The following MAPK8IP3 variants were observed in gnomAD, a reference collection of about 807,000 sequenced individuals.
MAPK8IP3 encodes the protein mitogen-activated protein kinase 8 interacting protein 3.
Under a neutral mutation model 157.8 loss-of-function variants are expected in MAPK8IP3, and 49 were observed. The observed-to-expected ratio is 0.31, with a 90% CI of 0.25 to 0.39. The LOEUF (loss-of-function observed/expected upper bound fraction) is 0.39, where lower values mean the gene tolerates loss of function less well. Among genes scored for constraint, MAPK8IP3 ranks in the 10% least tolerant of loss-of-function variants. The pLI is 1.00. For missense variants in MAPK8IP3, 1,478 were observed against 1,889.4 expected, an observed-to-expected ratio of 0.78 and a Z score of 4.04; for synonymous variants, 897 against 777.7, an observed-to-expected ratio of 1.15 and a Z score of -2.55.
At chr16:1,736,400 G>A (rs541782507) in intron 4 of MAPK8IP3, among the ~76,000 whole-genome samples, 1 of 74,826 alleles carries the variant, frequency 1.3e-5, no homozygotes, top group Admixed American at 2.1e-4. Flanking sequence ...GTGACCGTCC[G>A]TGTGTGACCG....
rs1034673585 is a variant in MAPK8IP3 at position 1,747,209 on chromosome 16, C to G, written c.928C>G (p.Arg310Gly). The G allele has an allele frequency of 6.2e-7, 1 of 1,613,750 alleles. No individual in the cohort carries two copies. Among genetic ancestry groups the G allele is most frequent in the East Asian group, 2.2e-5 (1 of 44,882 alleles). ...GVGSKNSKRA[R>G]EKRDSRNMEV... The stretch of plus-strand genomic sequence containing the variant: ...GGGCTCCAAGAACAGCAAGCGTGCC[C>G]GGGAGAAGCGCGACAGCCGCAACAT... Residue 310 changes from arginine to glycine, a missense_variant, in exon 6 of 32, where the codon CGG (arginine) becomes GGG (glycine). Transcript: ENST00000610761.
intron 5 of MAPK8IP3, chr16:1,745,174 G>A: frequency 1.0e-6 from 1 of 985,474 alleles, no homozygotes; most frequent in African/African-American, 1.7e-5. Flanking sequence ...AGCTAGGGGA[G>A]GCGCAATCAG....
chr16:1,728,287 A>T (rs2039033818), intron 2 of MAPK8IP3, among the ~76,000 whole-genome samples: 1 of 152,228 alleles, frequency 6.6e-6, no homozygotes, highest in Non-Finnish European at 1.5e-5. Flanking sequence ...CAGAAGGCAC[A>T]TAGTCATGAT....
intron 1 of MAPK8IP3, among the ~76,000 whole-genome samples, chr16:1,721,153 C>A (rs988823956): frequency 3.4e-5 from 5 of 149,056 alleles, no homozygotes; most frequent in African/African-American, 7.5e-5. Context: ...GCGTGACCAA[C>A]ATGGAAAACA....
Position 1,710,639 on chromosome 16 carries a change from G to C in MAPK8IP3, c.318+3982G>C, listed in dbSNP as rs1474699129. Among the ~76,000 whole-genome samples, 1 of 152,118 alleles carries C rather than the reference G, an allele frequency of 6.6e-6. No homozygotes were observed. The highest frequency in any genetic ancestry group is 1.5e-5 in the Non-Finnish European group (1 of 68,010). Reference sequence around the variant, plus strand: ...CTCCTCTGCGCCAGACGATCTGCAGGAAGTCTTTTCCATCAATGAATTAAG... The same window carrying C: ...CTCCTCTGCGCCAGACGATCTGCAGCAAGTCTTTTCCATCAATGAATTAAG... On this transcript the variant is annotated intron_variant, in intron 1 of 31. Coordinates refer to ENST00000610761, the MANE Select transcript of MAPK8IP3 (RefSeq NM_001318852.2). The surrounding 1 kb of genome is among the most constrained non-coding windows in gnomAD (Gnocchi z 4.1).
At chr16:1,760,657 C>T (rs1002835177) in intron 12 of MAPK8IP3, 125 bp downstream of exon 12, 131 of 1,214,168 alleles carry the variant, frequency 1.1e-4, no homozygotes, top group Admixed American at 6.2e-4. Flanking sequence ...CTACCTCCAG[C>T]TCCAGCTCAC....
chr16:1,748,080 C>T (rs1443983420), intron 6 of MAPK8IP3, among the ~76,000 whole-genome samples, 164 bp from the exon 7 acceptor site: 1 of 152,206 alleles, frequency 6.6e-6, no homozygotes, highest in African/African-American at 2.4e-5. Flanking sequence ...TGCTGGGGTT[C>T]GACCTCTGCC....
chr16:1,767,343 G>C, intron 26 of MAPK8IP3, 46 bp downstream of exon 26: 10 of 1,608,560 alleles, frequency 6.2e-6, no homozygotes, highest in Non-Finnish European at 7.6e-6. Flanking sequence ...GCTCCTGCTG[G>C]CCAGCAGCTC....
intron 16 of MAPK8IP3, 140 bp from the exon 17 acceptor site, chr16:1,763,517 G>A: frequency 5.6e-6 from 7 of 1,249,308 alleles, no homozygotes; most frequent in Non-Finnish European, 6.3e-6. Flanking sequence ...ACCCTTCCCA[G>A]CTGGGCACCC....
At position 1,759,958 on chromosome 16, in the gene MAPK8IP3, G is replaced by A. The variant is rs527696306; in HGVS notation, c.1247G>A (p.Gly416Glu). 2.5e-6 allele frequency: 4 copies of A among 1,614,190 alleles called. No homozygotes were observed. Among genetic ancestry groups the A allele is most frequent in the African/African-American group, 2.7e-5 (2 of 75,072 alleles). ...GEFSVRDDFF[G>E]MGKEVGNLLL... is the part of the protein sequence containing the mutation. ...GAAACCTCCGCACCTTCTGTTTCAG[G>A]AATGGGCAAAGAAGTGGGGAATCTG... The change falls in exon 11 of 32, where the codon GGA (glycine) becomes GAA (glutamate). Residue 416 changes from glycine (G) to glutamate (E), a missense_variant and splice_region_variant. Around this residue, in one of 11 missense-constraint regions of MAPK8IP3, gnomAD observed 315 missense variants for 394.4 expected, o/e 0.80. Transcript: ENST00000610761.
At chr16:1,756,941 A>G (rs1053070060) in intron 8 of MAPK8IP3, among the ~76,000 whole-genome samples, 4 of 152,030 alleles carry the variant, frequency 2.6e-5, no homozygotes, top group African/African-American at 9.7e-5. Flanking sequence ...GTTCTTTGAA[A>G]CCTGTTGCTT....
chr16:1,765,214 C>T (rs1373220088), intron 20 of MAPK8IP3, 36 bp downstream of exon 20: 1 of 1,565,096 alleles, frequency 6.4e-7, no homozygotes, highest in Admixed American at 1.7e-5. Flanking sequence ...ACTCGGGCGC[C>T]ACTCCCTTTT....
At chr16:1,765,369 G>A (rs938878986) in intron 20 of MAPK8IP3, among the ~76,000 whole-genome samples, 191 bp downstream of exon 20, 5 of 152,202 alleles carry the variant, frequency 3.3e-5, no homozygotes, top group Admixed American at 1.3e-4. Context: ...GGAAGCTCGC[G>A]GCAGCCTCGG....
Position 1,768,676 on chromosome 16 carries a change from G to GC in MAPK8IP3, c.3893-25dup, listed in dbSNP as rs778853601. 1.9e-6 allele frequency: 3 copies of GC among 1,611,320 alleles called. No homozygotes were observed. In the East Asian group the frequency reaches 6.7e-5, roughly 36 times the overall value. ...TGAGGTTGGGCGCGGGGGGAGCCTG[G>GC]CCGTCACTCTGCTGCTTTGCCCGCA... is the stretch of plus-strand genomic sequence containing the variant. On this transcript the variant is annotated intron_variant, in intron 31 of 31. Coordinates refer to ENST00000610761, the MANE Select transcript of MAPK8IP3 (RefSeq NM_001318852.2).
In MAPK8IP3 at chr16:1,767,650, G is replaced by A. The variant is rs1410688088; in HGVS notation, c.3324G>A (p.Leu1108=). ...IGDGVWVSIR[L]DSTLRLYHAH... ...ATGGCGTATGGGTGTCCATCCGCCTGGACTCCACCCTGAGGCTCTACCATG... is the reference window on the plus strand; with the variant it reads ...ATGGCGTATGGGTGTCCATCCGCCTAGACTCCACCCTGAGGCTCTACCATG... The change falls in exon 27 of 32, where the codon CTG becomes CTA. Residue 1108 remains leucine, a synonymous_variant. Transcript: ENST00000610761. The A allele has an allele frequency of 2.8e-5, 45 of 1,612,708 alleles. No homozygotes were observed. Among genetic ancestry groups the A allele is most frequent in the Non-Finnish European group, 3.7e-5 (44 of 1,179,972 alleles).
At chr16:1,764,551 C>G in intron 19 of MAPK8IP3, 92 bp downstream of exon 19, 1 of 1,492,386 alleles carries the variant, frequency 6.7e-7, no homozygotes. Context: ...CACAGGACAG[C>G]TGGGGACAGC....
rs908584305 is a variant in MAPK8IP3 at position 1,731,121 on chromosome 16, CAGAG to C, written c.602+1546_602+1549del. On this transcript the variant is annotated intron_variant, in intron 4 of 31. Coordinates refer to ENST00000610761, the MANE Select transcript of MAPK8IP3 (RefSeq NM_001318852.2). ...CGCCACAGCACTCCAGCCTGGGCGA[CAGAG>C]AGTCCATCTCAAAAATAAATACATA... 7.2e-5 allele frequency among the ~76,000 whole-genome samples: 11 copies of C among 152,056 alleles called. No homozygotes were observed. The South Asian group carries it at 1.9e-3, about 26-fold the overall frequency.
chr16:1,743,766 G>A lies in MAPK8IP3; in HGVS notation c.747+290G>A. On this transcript the variant is annotated intron_variant, in intron 5 of 31. Transcript: ENST00000610761. This position sits in a 1 kb window ranked among gnomAD's most constrained non-coding sequence, Gnocchi z 5.6. ...ACCGCTCTGTAGCCAGGGGTGTACA[G>A]TGCCTGTCAGGGTTGAGCTTAGTGA... 1.5e-6 allele frequency: 2 copies of A among 1,310,102 alleles called. No homozygotes were observed. The highest frequency in any genetic ancestry group is 1.9e-6 in the Non-Finnish European group (2 of 1,033,556). 81.2% of individuals were successfully genotyped at this position (1,310,102 alleles called of 1,614,324 possible).
intron 1 of MAPK8IP3, chr16:1,714,208 G>C (rs2037985221): frequency 6.6e-6 from 1 of 152,310 alleles, no homozygotes; most frequent in Non-Finnish European, 1.5e-5. Flanking sequence ...GAGCTGGGCG[G>C]CTTGTTTTTA....
Sources: gnomAD v4.1 joint callset for allele counts (sites outside exome capture counted in the v4.1 genomes callset) on GRCh38, gnomAD v4.1.1 for gene constraint, gnomAD v4.1.1 regional missense constraint, Gnocchi (gnomAD v3.1) non-coding constraint, MANE v1.5 for transcripts, NCBI Gene and HGNC (gene_info 2026-07-23, HGNC 2026-07-21) for gene names.